The following CELSR1 variants were observed in gnomAD, a reference collection of about 807,000 sequenced individuals.
CELSR1 encodes the protein cadherin EGF LAG seven-pass G-type receptor 1.
A neutral mutation model predicts 249.1 loss-of-function variants in CELSR1; 110 were observed. That is an observed-to-expected ratio of 0.44 (90% confidence interval 0.38 to 0.52). The LOEUF (loss-of-function observed/expected upper bound fraction) is 0.52, where lower values mean the gene tolerates loss of function less well. CELSR1 is among the 20% of genes least tolerant of loss of function. CELSR1 has a pLI of 0.00. For synonymous variants in CELSR1, 2,113 were observed against 1,900.0 expected (o/e 1.11, Z -2.92); for missense variants, 4,109 against 4,296.4 (o/e 0.96, Z 1.22).
Position 46,436,372 on chromosome 22 carries a change from G to T in CELSR1, c.4407-83C>A. 1.0e-6 allele frequency: 1 copy of T among 982,198 alleles called. No homozygotes were observed. 60.8% of individuals were successfully genotyped at this position (982,198 alleles called of 1,614,324 possible). A position where few individuals can be genotyped will look rare whatever the true frequency, so the allele number is the denominator to read the frequency against. On this transcript the variant is annotated intron_variant, in intron 3 of 34. Coordinates refer to ENST00000674500, the MANE Select transcript of CELSR1 (RefSeq NM_001378328.1). This position sits in a 1 kb window ranked among gnomAD's most constrained non-coding sequence, Gnocchi z 5.9. The stretch of plus-strand genomic sequence containing the variant: ...CTAGGAATGACAAGTCCAGCCGGAG[G>T]AGGGCAAGCACGTGGGGCTACGATT...
rs2080122242 is a variant in CELSR1, at chr22:46,468,547, A to G, written c.3545-4202T>C. Among the ~76,000 whole-genome samples, 1 of 152,150 alleles carries G rather than the reference A, an allele frequency of 6.6e-6. No individual in the cohort carries two copies. The highest frequency in any genetic ancestry group is 2.4e-5 in the African/African-American group (1 of 41,436). ...GAGGCTGCACTTACAGGAGGTCCCT[A>G]GAGGAGTTCGATTCATAGAGGCAGA... On this transcript the variant is annotated intron_variant, in intron 1 of 34. Coordinates refer to ENST00000674500, the MANE Select transcript of CELSR1 (RefSeq NM_001378328.1). This position sits in a 1 kb window ranked among gnomAD's most constrained non-coding sequence, Gnocchi z 4.5.
chr22:46,393,816 C>T lies in CELSR1; in HGVS notation c.5964+326G>A, dbSNP rs1168566754. Among the ~76,000 whole-genome samples, 1 of 151,686 alleles carries T rather than the reference C, an allele frequency of 6.6e-6. No homozygotes were observed. On this transcript the variant is annotated intron_variant, in intron 14 of 34. Coordinates refer to ENST00000674500, the MANE Select transcript of CELSR1 (RefSeq NM_001378328.1). The surrounding 1 kb of genome is among the most constrained non-coding windows in gnomAD (Gnocchi z 4.1). ...CGGGGTGGTGCCATAGATGAGCCAG[C>T]CCTCAGAAACGGGTGGGCTTCCCAC...
rs2079282128 is a variant in CELSR1 at position 46,407,715 on chromosome 22, G to C, written c.5226+1281C>G. ...GTTATGAATCTGTCAAATCAAGACA[G>C]AGCGCCCTGCTCAGGCACGGCTCCC... On this transcript the variant is annotated intron_variant, in intron 9 of 34. Transcript: ENST00000674500. The surrounding 1 kb of genome is among the most constrained non-coding windows in gnomAD (Gnocchi z 4.8). Among the ~76,000 whole-genome samples, 1 of 152,226 alleles carries C rather than the reference G, an allele frequency of 6.6e-6. No individual in the cohort carries two copies. The highest frequency in any genetic ancestry group is 2.4e-5 in the African/African-American group (1 of 41,464).
chr22:46,482,132 C>A (rs578248075), intron 1 of CELSR1, among the ~76,000 whole-genome samples: 1 of 152,348 alleles, frequency 6.6e-6, no homozygotes, highest in East Asian at 1.9e-4. Context: ...CTCACCCTCA[C>A]TTCCCAAGAA....
chr22:46,488,026 G>A lies in CELSR1; in HGVS notation c.3545-23681C>T, dbSNP rs951548389. ...GTCCAGCTAATGGGGGTGTGGGGAGGGATGTCCAGGGTGCTGACAGGATCA... is the reference window on the plus strand; with the variant it reads ...GTCCAGCTAATGGGGGTGTGGGGAGAGATGTCCAGGGTGCTGACAGGATCA... On this transcript the variant is annotated intron_variant, in intron 1 of 34. Coordinates refer to ENST00000674500, the MANE Select transcript of CELSR1 (RefSeq NM_001378328.1). The surrounding 1 kb of genome is among the most constrained non-coding windows in gnomAD (Gnocchi z 4.7). 2.0e-5 allele frequency among the ~76,000 whole-genome samples: 3 copies of A among 150,094 alleles called. No individual in the cohort carries two copies. The highest frequency in any genetic ancestry group is 7.4e-5 in the African/African-American group (3 of 40,590).
In CELSR1 at chr22:46,398,393, A is replaced by C. The variant is rs1413483260; in HGVS notation, c.5526+131T>G. ...GGAAACAGGAGCTGTTAAAGTGGGG[A>C]TGCCTGTCAGACAAATTCTTCACTC... On this transcript the variant is annotated intron_variant, in intron 11 of 34. Transcript: ENST00000674500. The surrounding 1 kb of genome is among the most constrained non-coding windows in gnomAD (Gnocchi z 7.2). 1.6e-6 allele frequency: 1 copy of C among 625,624 alleles called. No individual in the cohort carries two copies. The highest frequency in any genetic ancestry group is 2.8e-6 in the Non-Finnish European group (1 of 360,298). 38.8% of individuals were successfully genotyped at this position (625,624 alleles called of 1,614,324 possible). A position where few individuals can be genotyped will look rare whatever the true frequency, so the allele number is the denominator to read the frequency against.
chr22:46,535,006 T>A lies in CELSR1; in HGVS notation c.2165A>T (p.Tyr722Phe), dbSNP rs1306029324. 3 of 1,612,068 alleles carry A rather than the reference T, an allele frequency of 1.9e-6. No individual in the cohort carries two copies. The highest frequency in any genetic ancestry group is 1.1e-5 in the South Asian group (1 of 91,072). Residue 722 changes from tyrosine (Y) to phenylalanine (F), a missense_variant, in exon 1 of 35, where the codon TAC becomes TTC. Tyr to Phe is a conservative substitution (Grantham distance 22). Coordinates refer to ENST00000674500, the MANE Select transcript of CELSR1 (RefSeq NM_001378328.1). ...RDRDANSVITYQLTGGNTRNR... is the reference protein window; with the variant it reads ...RDRDANSVITFQLTGGNTRNR... ...CCGGGTGTTGCCGCCTGTGAGCTGG[T>A]AGGTAATCACACTGTTGGCGTCACG...
At chr22:46,442,232 G>T (rs1216055864) in intron 2 of CELSR1, among the ~76,000 whole-genome samples, 2 of 152,248 alleles carry the variant, frequency 1.3e-5, no homozygotes, top group African/African-American at 4.8e-5. Context: ...CCTCCAGGAC[G>T]GGGCTCTGGG....
At chr22:46,382,223 T>C (rs528783344) in intron 20 of CELSR1, among the ~76,000 whole-genome samples, 173 bp from the exon 21 acceptor site, 1 of 152,348 alleles carries the variant, frequency 6.6e-6, no homozygotes, top group Non-Finnish European at 1.5e-5. Context: ...CAAGCCCACT[T>C]CTGGGTATAC....
intron 1 of CELSR1, among the ~76,000 whole-genome samples, chr22:46,513,791 T>C (rs1036321409): frequency 2.6e-5 from 4 of 152,008 alleles, no homozygotes; most frequent in Non-Finnish European, 4.4e-5. Context: ...TTAATACTTT[T>C]TGTTGTTGTT....
At chr22:46,392,403 G>A (rs571452307) in intron 14 of CELSR1, among the ~76,000 whole-genome samples, 20 of 151,886 alleles carry the variant, frequency 1.3e-4, no homozygotes, top group Non-Finnish European at 2.5e-4. Flanking sequence ...CGTGAGCAAC[G>A]TTCAGACCTG....
chr22:46,429,747 T>G lies in CELSR1; in HGVS notation c.4611+3646A>C, dbSNP rs2147415563. 6.6e-6 allele frequency among the ~76,000 whole-genome samples: 1 copy of G among 152,322 alleles called. No individual in the cohort carries two copies. Among genetic ancestry groups the G allele is most frequent in the Middle Eastern group, 3.4e-3 (1 of 292 alleles). On this transcript the variant is annotated intron_variant, in intron 5 of 34. Transcript: ENST00000674500. The surrounding 1 kb of genome is among the most constrained non-coding windows in gnomAD (Gnocchi z 4.1). ...GGTGTCAGGAGGGTCCCTGGTTAGCTGTGCCCCTCCTGGGTGGTCCGCAGC... is the reference window on the plus strand; with the variant it reads ...GGTGTCAGGAGGGTCCCTGGTTAGCGGTGCCCCTCCTGGGTGGTCCGCAGC...
intron 1 of CELSR1, among the ~76,000 whole-genome samples, chr22:46,502,952 G>T (rs1281807066): frequency 6.6e-6 from 1 of 152,176 alleles, no homozygotes; most frequent in African/African-American, 2.4e-5. Context: ...CCGGGAGCAG[G>T]TCCCCGCAGG....
chr22:46,452,739 G>A (rs2079900595), intron 2 of CELSR1, among the ~76,000 whole-genome samples: 1 of 152,246 alleles, frequency 6.6e-6, no homozygotes, highest in Non-Finnish European at 1.5e-5. Flanking sequence ...GAGCCTGGTG[G>A]TGGGTCCTAC....
At chr22:46,451,508 G>A (rs2079884287) in intron 2 of CELSR1, among the ~76,000 whole-genome samples, 1 of 152,236 alleles carries the variant, frequency 6.6e-6, no homozygotes, top group South Asian at 2.1e-4. Context: ...TGGAAACCCT[G>A]CCGAACCTGA....
intron 1 of CELSR1, among the ~76,000 whole-genome samples, chr22:46,493,281 C>G (rs1333677241): frequency 1.3e-5 from 2 of 152,016 alleles, no homozygotes; most frequent in Non-Finnish European, 2.9e-5. Context: ...CGTGGTGGCT[C>G]ATGCCTGTAA....
At position 46,391,901 on chromosome 22, in the gene CELSR1, A is replaced by C. The variant is rs945732642; in HGVS notation, c.5965-85T>G. The stretch of plus-strand genomic sequence containing the variant: ...AGCGTGTTTCCCGAGCGACGTCCAG[A>C]CTCCCACCCGGGTGTGTGTGTTGGC... On this transcript the variant is annotated intron_variant, in intron 14 of 34. Coordinates refer to ENST00000674500, the MANE Select transcript of CELSR1 (RefSeq NM_001378328.1). The surrounding 1 kb of genome is among the most constrained non-coding windows in gnomAD (Gnocchi z 4.3). 1 of 1,407,496 alleles carries C rather than the reference A, an allele frequency of 7.1e-7. No homozygotes were observed. The highest frequency in any genetic ancestry group is 2.5e-5 in the East Asian group (1 of 40,380). The allele number at this position is 1,407,496 out of a possible 1,614,324, so 87.2% of individuals were successfully genotyped here.
rs1348869930 is a variant in CELSR1, at chr22:46,433,224, A to G, written c.4611+169T>C. Among the ~76,000 whole-genome samples, 1 of 152,114 alleles carries G rather than the reference A, an allele frequency of 6.6e-6. No individual in the cohort carries two copies. Among genetic ancestry groups the G allele is most frequent in the Non-Finnish European group, 1.5e-5 (1 of 68,014 alleles). On this transcript the variant is annotated intron_variant, in intron 5 of 34. Coordinates refer to ENST00000674500, the MANE Select transcript of CELSR1 (RefSeq NM_001378328.1). This position sits in a 1 kb window ranked among gnomAD's most constrained non-coding sequence, Gnocchi z 5.7. ...TAATTTTTGTATTTTTGGTAGAGACAGGGTTTCGCCACGTTGGCCAAGCTG... is the reference window on the plus strand; with the variant it reads ...TAATTTTTGTATTTTTGGTAGAGACGGGGTTTCGCCACGTTGGCCAAGCTG...
rs981573647 is a variant in CELSR1 at position 46,448,662 on chromosome 22, G to A, written c.4184-9251C>T. 5 of 350,656 alleles carry A rather than the reference G, an allele frequency of 1.4e-5. No homozygotes were observed. Among genetic ancestry groups the A allele is most frequent in the African/African-American group, 4.3e-5 (2 of 46,158 alleles). 21.7% of individuals were successfully genotyped at this position (350,656 alleles called of 1,614,324 possible). On this transcript the variant is annotated intron_variant, in intron 2 of 34. Transcript: ENST00000674500. The surrounding 1 kb of genome is among the most constrained non-coding windows in gnomAD (Gnocchi z 5.7). ...AAGGCTTAGTTTATGCAGAATTAAC[G>A]ATCAAAATGAAACACAAGAACAGAG...
Sources: allele counts gnomAD v4.1 joint callset (sites outside exome capture counted in the v4.1 genomes callset), GRCh38; gene constraint gnomAD v4.1.1; non-coding constraint Gnocchi (gnomAD v3.1); transcripts MANE v1.5; gene names NCBI Gene and HGNC (gene_info 2026-07-23, HGNC 2026-07-21).